SDHC: variants seen among roughly 807,000 people sequenced by gnomAD.
SDHC encodes succinate dehydrogenase complex subunit C.
In SDHC, 11 loss-of-function variants were observed where a neutral mutation model predicts 22.6. The ratio of observed to expected loss-of-function variants is 0.49; its 90% confidence interval spans 0.31 to 0.81. The LOEUF (loss-of-function observed/expected upper bound fraction) is 0.81, where lower values mean the gene tolerates loss of function less well. SDHC is among the 30% of genes least tolerant of loss of function. The pLI, the probability that SDHC is intolerant of heterozygous loss-of-function variation, is 0.05. For synonymous variants in SDHC, 80 were observed against 77.8 expected (o/e 1.03, Z -0.15); for missense variants, 160 against 212.0 (o/e 0.75, Z 1.52).
At chr1:161,347,181 G>T (rs910553082) in intron 4 of SDHC, among the ~76,000 whole-genome samples, 3 of 152,184 alleles carry the variant, frequency 2.0e-5, no homozygotes, top group Non-Finnish European at 4.4e-5. Flanking sequence ...TTCCAACAGA[G>T]AAATTCCTTT....
At chr1:161,344,267 G>C (rs1013021153) in intron 4 of SDHC, among the ~76,000 whole-genome samples, 1 of 151,930 alleles carries the variant, frequency 6.6e-6, no homozygotes, top group African/African-American at 2.4e-5. Context: ...TCCAGCCTGG[G>C]AGACAGAGCG....
In SDHC at chr1:161,329,477, A is replaced by G. The variant is rs185799134; in HGVS notation, c.179+980A>G. ...CTCCTGAGTAGCTGGGATTACAGAC[A>G]TGAACCTCCATGCCCGGCTAATTTT... is the stretch of plus-strand genomic sequence containing the variant. On this transcript the variant is annotated intron_variant, in intron 3 of 5. Transcript: ENST00000367975. Among the ~76,000 whole-genome samples the G allele has an allele frequency of 5.9e-5, 9 of 152,072 alleles. No homozygotes were observed. In the South Asian group the frequency reaches 1.0e-3, roughly 18 times the overall value.
chr1:161,346,964 G>GA (rs565480158), intron 4 of SDHC, among the ~76,000 whole-genome samples: 4 of 150,892 alleles, frequency 2.7e-5, no homozygotes, highest in East Asian at 3.9e-4. Context: ...ATAATAACAA[G>GA]AAAAAAAAAG....
At chr1:161,342,800 G>A (rs58660314) in intron 4 of SDHC, among the ~76,000 whole-genome samples, 2 of 152,048 alleles carry the variant, frequency 1.3e-5, no homozygotes, top group African/African-American at 4.8e-5. Context: ...TGGCCCCTTG[G>A]TATATCTTTA....
intron 3 of SDHC, among the ~76,000 whole-genome samples, chr1:161,336,623 A>G (rs1671493490): frequency 2.0e-5 from 3 of 152,102 alleles, no homozygotes; most frequent in Admixed American, 2.0e-4. Context: ...TTTTCTGGTT[A>G]TGTAACTCCA....
At position 161,362,343 on chromosome 1, in the gene SDHC, A is replaced by G. The variant is rs794727791; in HGVS notation, c.420A>G (p.Gly140=). 11 of 1,612,642 alleles carry G rather than the reference A, an allele frequency of 6.8e-6. No homozygotes were observed. The highest frequency in any genetic ancestry group is 8.5e-6 in the Non-Finnish European group (10 of 1,179,622). The change falls in exon 6 of 6, where the codon GGA becomes GGG. Residue 140 remains glycine (G), a synonymous_variant. Transcript: ENST00000367975. ...NGIRHLMWDL[G]KGLKIPQLYQ... ...TTTGTCCACAGATGTGGGACCTAGGAAAAGGCCTGAAGATTCCCCAGCTAT... is the reference window on the plus strand; with the variant it reads ...TTTGTCCACAGATGTGGGACCTAGGGAAAGGCCTGAAGATTCCCCAGCTAT...
intron 5 of SDHC, among the ~76,000 whole-genome samples, chr1:161,360,805 T>C (rs964142918): frequency 6.6e-6 from 1 of 150,758 alleles, no homozygotes; most frequent in African/African-American, 2.4e-5. Context: ...AAAAGAAATT[T>C]AAATAGAATA....
At chr1:161,334,201 T>C (rs1295418222) in intron 3 of SDHC, among the ~76,000 whole-genome samples, 1 of 152,212 alleles carries the variant, frequency 6.6e-6, no homozygotes, top group Admixed American at 6.6e-5. Flanking sequence ...CCTTGGCTTC[T>C]GCCCTCCTTC....
At chr1:161,317,613 G>A (rs1333916471) in intron 1 of SDHC, among the ~76,000 whole-genome samples, 1 of 140,620 alleles carries the variant, frequency 7.1e-6, no homozygotes, top group African/African-American at 2.7e-5. Context: ...CCAGGCTGGA[G>A]TGCAGTGGCG....
chr1:161,345,549 C>T (rs1395257842), intron 4 of SDHC, among the ~76,000 whole-genome samples: 1 of 147,706 alleles, frequency 6.8e-6, no homozygotes, highest in African/African-American at 2.5e-5. Flanking sequence ...CTCCACCTCC[C>T]GGGTTCACGC....
At chr1:161,336,099 G>A (rs1671470620) in intron 3 of SDHC, among the ~76,000 whole-genome samples, 1 of 152,138 alleles carries the variant, frequency 6.6e-6, no homozygotes, top group Non-Finnish European at 1.5e-5. Context: ...CACTAAAACA[G>A]AAGGAGGCTA....
intron 1 of SDHC, among the ~76,000 whole-genome samples, chr1:161,319,426 A>G (rs149538357): frequency 8.6e-5 from 13 of 151,360 alleles, no homozygotes; most frequent in African/African-American, 3.2e-4. Flanking sequence ...CTATCCAGGA[A>G]TTGGTTGTTT....
intron 3 of SDHC, among the ~76,000 whole-genome samples, chr1:161,338,290 G>T (rs563872592): frequency 1.3e-5 from 2 of 152,096 alleles, no homozygotes; most frequent in South Asian, 4.2e-4. Context: ...TAATTTATTT[G>T]GGAATACTCC....
intron 1 of SDHC, among the ~76,000 whole-genome samples, chr1:161,317,438 C>T (rs78733287): frequency 6.6e-6 from 1 of 150,782 alleles, no homozygotes; most frequent in Non-Finnish European, 1.5e-5. Flanking sequence ...ATATGTGTAC[C>T]TTGTGGAGCT....
At chr1:161,350,110 A>G (rs1371702939) in intron 4 of SDHC, among the ~76,000 whole-genome samples, 3 of 152,150 alleles carry the variant, frequency 2.0e-5, no homozygotes, top group South Asian at 4.1e-4. Flanking sequence ...GGGTTTCACC[A>G]TGTTGGCCAG....
At chr1:161,338,447 G>A (rs908041441) in intron 3 of SDHC, among the ~76,000 whole-genome samples, 20 of 152,242 alleles carry the variant, frequency 1.3e-4, no homozygotes, top group African/African-American at 3.4e-4. Context: ...CAAGATGAGC[G>A]TTAGCTTTCT....
At chr1:161,317,631 A>G (rs1333849985) in intron 1 of SDHC, among the ~76,000 whole-genome samples, 2 of 134,264 alleles carry the variant, frequency 1.5e-5, no homozygotes, top group Non-Finnish European at 3.0e-5. Context: ...GCGCAATCTC[A>G]GCTCACTGTA....
chr1:161,323,702 ATTTT>A, intron 2 of SDHC, 32 bp downstream of exon 2: 3 of 1,308,872 alleles, frequency 2.3e-6, no homozygotes, highest in East Asian at 2.6e-5. Context: ...TTATTTATTT[ATTTT>A]TTTTTTTGAG....
At chr1:161,331,936 G>T (rs1249828163) in intron 3 of SDHC, among the ~76,000 whole-genome samples, 1 of 152,074 alleles carries the variant, frequency 6.6e-6, no homozygotes, top group African/African-American at 2.4e-5. Flanking sequence ...TGGGAAGGCT[G>T]AGAATTTCCC....
Sources: allele counts gnomAD v4.1 joint callset (sites outside exome capture counted in the v4.1 genomes callset), GRCh38; gene constraint gnomAD v4.1.1; transcripts MANE v1.5; gene names NCBI Gene and HGNC (gene_info 2026-07-23, HGNC 2026-07-21).